Variants in VIPR2 observed in about 807,000 individuals in gnomAD.
The protein encoded by VIPR2 is vasoactive intestinal polypeptide receptor 2.
Under a neutral mutation model 58.0 loss-of-function variants are expected in VIPR2, and 48 were observed. The observed-to-expected ratio is 0.83, with a 90% CI of 0.66 to 1.05. The LOEUF is 1.05. Ranked by LOEUF, VIPR2 falls within the 50% of genes least tolerant of loss-of-function variation. The probability of loss-of-function intolerance (pLI) is 0.00; values close to 1 mark genes in which losing one functional copy is unlikely to be tolerated. For synonymous variants in VIPR2, 243 were observed against 235.2 expected (o/e 1.03, Z -0.30); for missense variants, 534 against 558.0 (o/e 0.96, Z 0.43).
rs745964744 is a variant in VIPR2 at position 159,031,903 on chromosome 7, C to T, written c.1102-34G>A. On this transcript the variant is annotated intron_variant, in intron 11 of 12. Coordinates refer to ENST00000262178, the MANE Select transcript of VIPR2 (RefSeq NM_003382.5). This position sits in a 1 kb window ranked among gnomAD's most constrained non-coding sequence, Gnocchi z 4.0. ...AGAAGAGATGGTCAGGCAGGACCCG[C>T]GCTCGGGGGAGGGCGGCCGCCTCCG... 22 of 1,613,994 alleles carry T rather than the reference C, an allele frequency of 1.4e-5. No homozygotes were observed. Among genetic ancestry groups the T allele is most frequent in the African/African-American group, 2.7e-5 (2 of 74,938 alleles).
chr7:159,144,337 A>T, intron 1 of VIPR2: 1 of 1,530,854 alleles, frequency 6.5e-7, no homozygotes, highest in Non-Finnish European at 8.8e-7. Context: ...TCTGCGGCCA[A>T]CGCCAACCCC....
At chr7:159,032,103 A>G (rs1563252859) in intron 10 of VIPR2, 36 bp from the exon 11 acceptor site, 9 of 1,611,578 alleles carry the variant, frequency 5.6e-6, no homozygotes, top group African/African-American at 1.3e-5. Flanking sequence ...CAGCTGCTGG[A>G]CCCTCGGACC....
At chr7:159,117,184 C>T (rs1387027848) in intron 2 of VIPR2, 1 of 638,006 alleles carries the variant, frequency 1.6e-6, no homozygotes, top group African/African-American at 1.8e-5. Flanking sequence ...AGCAGTCGGG[C>T]TTCTGGGTCA....
intron 7 of VIPR2, among the ~76,000 whole-genome samples, 200 bp from the exon 8 acceptor site, chr7:159,036,212 G>T (rs1761376906): frequency 6.6e-6 from 1 of 152,232 alleles, no homozygotes; most frequent in Admixed American, 6.5e-5. Flanking sequence ...ACACACGCTT[G>T]AGAGCTGAGA....
At position 159,096,820 on chromosome 7, in the gene VIPR2, C is replaced by T. The variant is rs1247005381; in HGVS notation, c.357+6937G>A. The T allele has an allele frequency of 6.8e-7, 1 of 1,462,214 alleles. No individual in the cohort carries two copies. Among genetic ancestry groups the T allele is most frequent in the Non-Finnish European group, 9.1e-7 (1 of 1,097,306 alleles). 90.6% of individuals were successfully genotyped at this position (1,462,214 alleles called of 1,614,324 possible). Reference sequence around the variant, plus strand: ...CCCCGCAGCAGCCACAGGCCCAGCTCTTGTCCCGGCCCACCTCGGGATGCT... The same window carrying T: ...CCCCGCAGCAGCCACAGGCCCAGCTTTTGTCCCGGCCCACCTCGGGATGCT... On this transcript the variant is annotated intron_variant, in intron 4 of 12. Coordinates refer to ENST00000262178, the MANE Select transcript of VIPR2 (RefSeq NM_003382.5). The surrounding 1 kb of genome is among the most constrained non-coding windows in gnomAD (Gnocchi z 5.5).
intron 3 of VIPR2, 63 bp downstream of exon 3, chr7:159,109,749 A>G (rs1585518783): frequency 6.7e-7 from 1 of 1,495,942 alleles, no homozygotes; most frequent in Non-Finnish European, 9.3e-7. Flanking sequence ...CTTGGATGGA[A>G]AAAATGGACG....
intron 2 of VIPR2, among the ~76,000 whole-genome samples, chr7:159,114,980 A>G (rs1194618654): frequency 6.6e-6 from 1 of 152,242 alleles, no homozygotes; most frequent in African/African-American, 2.4e-5. Context: ...GTTGCAGCTA[A>G]AACAGCAGAT....
intron 4 of VIPR2, among the ~76,000 whole-genome samples, chr7:159,091,961 G>A (rs547116794): frequency 6.6e-5 from 10 of 152,310 alleles, no homozygotes; most frequent in Admixed American, 5.2e-4. Flanking sequence ...GGCTGGTGGC[G>A]CACGTCTGTA....
intron 2 of VIPR2, among the ~76,000 whole-genome samples, chr7:159,137,142 C>T (rs574652412): frequency 3.3e-5 from 5 of 152,042 alleles, no homozygotes; most frequent in African/African-American, 4.8e-5. Flanking sequence ...CTCAAGGGGC[C>T]GGCCGCCCAC....
At chr7:159,135,004 GTT>G (rs747914292) in intron 2 of VIPR2, among the ~76,000 whole-genome samples, 52 of 65,970 alleles carry the variant, frequency 7.9e-4, no homozygotes, top group South Asian at 1.7e-3. Flanking sequence ...AATTACAAAA[GTT>G]TTTTTTTTTT....
chr7:159,122,716 G>C (rs1474122833), intron 2 of VIPR2, among the ~76,000 whole-genome samples: 2 of 152,164 alleles, frequency 1.3e-5, no homozygotes, highest in Non-Finnish European at 2.9e-5. Flanking sequence ...AGATGTAACA[G>C]AGTTTGTAGA....
At chr7:159,135,146 TA>T (rs1158885107) in intron 2 of VIPR2, among the ~76,000 whole-genome samples, 1 of 151,766 alleles carries the variant, frequency 6.6e-6, no homozygotes, top group African/African-American at 2.4e-5. Flanking sequence ...TCTTTAACAT[TA>T]AAAAAGGGCC....
At chr7:159,118,853 T>C (rs1796344658) in intron 2 of VIPR2, among the ~76,000 whole-genome samples, 1 of 152,258 alleles carries the variant, frequency 6.6e-6, no homozygotes, top group Non-Finnish European at 1.5e-5. Context: ...TGGGCTCTGC[T>C]GTTCCGAGTG....
chr7:159,119,368 C>A (rs1478160375), intron 2 of VIPR2, among the ~76,000 whole-genome samples: 1 of 152,182 alleles, frequency 6.6e-6, no homozygotes, highest in Non-Finnish European at 1.5e-5. Flanking sequence ...GTGCACGGGG[C>A]CTCGACTGCA....
chr7:159,133,029 T>TTGGCATACAGA (rs1585563303), intron 2 of VIPR2, among the ~76,000 whole-genome samples: 3 of 88,380 alleles, frequency 3.4e-5, no homozygotes, highest in South Asian at 4.1e-4. Flanking sequence ...GACAGAATGA[T>TTGGCATACAGA]TCCAAAAATG....
chr7:159,132,470 G>A (rs1428329909), intron 2 of VIPR2, among the ~76,000 whole-genome samples: 1 of 151,978 alleles, frequency 6.6e-6, no homozygotes, highest in African/African-American at 2.4e-5. Context: ...TCCAGTCGGA[G>A]GCCTCAGGTA....
At chr7:159,086,109 C>A (rs192767371) in intron 4 of VIPR2, among the ~76,000 whole-genome samples, 1 of 152,158 alleles carries the variant, frequency 6.6e-6, no homozygotes, top group South Asian at 2.1e-4. Context: ...GCGGACTGCA[C>A]GAGAATCCCC....
intron 1 of VIPR2, among the ~76,000 whole-genome samples, chr7:159,143,379 C>A (rs1421573524): frequency 2.0e-5 from 3 of 152,010 alleles, no homozygotes; most frequent in East Asian, 1.9e-4. Flanking sequence ...CCCTCCCCCA[C>A]CACCGACCAA....
chr7:159,117,685 C>A (rs113327015), intron 2 of VIPR2, among the ~76,000 whole-genome samples: 10,204 of 152,236 alleles, frequency 0.067, 1,138 homozygotes, highest in African/African-American at 0.23. Flanking sequence ...CCACATGCAA[C>A]TCCACAGAGA....
Sources: gnomAD v4.1 joint callset for allele counts (sites outside exome capture counted in the v4.1 genomes callset) on GRCh38, gnomAD v4.1.1 for gene constraint, Gnocchi (gnomAD v3.1) non-coding constraint, MANE v1.5 for transcripts, NCBI Gene and HGNC (gene_info 2026-07-23, HGNC 2026-07-21) for gene names.